TSACC: variants seen among roughly 807,000 people sequenced by gnomAD.
TSACC encodes TSSK6 activating cochaperone.
In TSACC, 3 loss-of-function variants were observed where a neutral mutation model predicts 6.9. The ratio of observed to expected loss-of-function variants is 0.43; its 90% CI spans 0.20 to 1.12. The LOEUF is 1.12. Among genes scored for constraint, TSACC ranks in the 50% most tolerant of loss-of-function variants. The pLI is 0.28. For missense variants in TSACC, 137 were observed against 143.9 expected, an observed-to-expected ratio of 0.95 and a Z score of 0.24; for synonymous variants, 54 against 55.1, an observed-to-expected ratio of 0.98 and a Z score of 0.09.
rs756719874 is a variant in TSACC at position 156,339,745 on chromosome 1, T to G, written c.-13T>G. 4.3e-6 allele frequency: 7 copies of G among 1,613,962 alleles called. No individual in the cohort carries two copies. In the South Asian group the frequency reaches 7.7e-5, roughly 18 times the overall value. ...ATGATTCTTTCCCAGGCACCACACC[T>G]GTTGGTGTTCAGATGGAGCGGCACA... is the stretch of plus-strand genomic sequence containing the variant. On this transcript the variant is annotated 5_prime_UTR_variant, in exon 2 of 4. Coordinates refer to ENST00000368254, the MANE Select transcript of TSACC (RefSeq NM_001304817.2).
chr1:156,338,197 C>T, upstream of TSACC: 1 of 1,585,676 alleles, frequency 6.3e-7, no homozygotes, highest in Non-Finnish European at 8.6e-7. Flanking sequence ...CGACGCGATG[C>T]AGAGCCGGGT....
chr1:156,337,750 GCTA>G (rs925852655), upstream of TSACC: 54 of 218,058 alleles, frequency 2.5e-4, no homozygotes, highest in African/African-American at 1.2e-3. Context: ...TTAAATTACC[GCTA>G]CTAAGGGATG....
chr1:156,339,810 GC>G lies in TSACC; in HGVS notation c.34+20del, dbSNP rs1475972181. 1.2e-6 allele frequency: 2 copies of G among 1,613,228 alleles called. No homozygotes were observed. Among genetic ancestry groups the G allele is most frequent in the Admixed American group, 3.3e-5 (2 of 59,894 alleles). On this transcript the variant is annotated intron_variant, in intron 2 of 3. Coordinates refer to ENST00000368254, the MANE Select transcript of TSACC (RefSeq NM_001304817.2). Reference sequence around the variant, plus strand: ...AGAAAAGGTGTGTGTTGGAGGCCCTGCTTCCCCTCCCTTAAAAAGCAAGACC... The same window carrying G: ...AGAAAAGGTGTGTGTTGGAGGCCCTGTTCCCCTCCCTTAAAAAGCAAGACC...
rs751183709 is a variant in TSACC, at chr1:156,344,644, T to TA, written c.101dup (p.Asn34LysfsTer23). The TA allele has an allele frequency of 5.8e-5, 93 of 1,613,958 alleles. No homozygotes were observed. Among genetic ancestry groups the TA allele is most frequent in the Middle Eastern group, 1.6e-4 (1 of 6,084 alleles). On this transcript the variant is annotated frameshift_variant, in exon 3 of 4. Transcript: ENST00000368254. LOFTEE classifies it high-confidence loss of function. ...GAGCAAAACCCTCCCCCAGCTATAT[T>TA]AATCTTCAAGCAAGTTCCCCACCAG...
intron 1 of TSACC, 74 bp from the exon 2 acceptor site, chr1:156,339,560 G>T: frequency 1.8e-6 from 1 of 565,716 alleles, no homozygotes; most frequent in Non-Finnish European, 3.1e-6. Flanking sequence ...TGAAGGGGCC[G>T]TGAGAGCACC....
upstream of TSACC, chr1:156,338,133 C>T (rs778760116): frequency 1.3e-6 from 2 of 1,578,998 alleles, no homozygotes; most frequent in African/African-American, 1.3e-5. Context: ...GGGTCCATTT[C>T]CTGGCATCCC....
At chr1:156,339,980 G>C (rs1161144794) in intron 2 of TSACC, among the ~76,000 whole-genome samples, 189 bp downstream of exon 2, 1 of 152,208 alleles carries the variant, frequency 6.6e-6, no homozygotes, top group Non-Finnish European at 1.5e-5. Flanking sequence ...CTTAGAACAA[G>C]ACTATGTACA....
rs1665964973 is a variant in TSACC at position 156,342,732 on chromosome 1, T to C, written c.35-1848T>C. ...TGTGCTTGATCACCTAATGCCTGTCTGCACAGCAAGACTGTCAGTTCCAGG... is the reference window on the plus strand; with the variant it reads ...TGTGCTTGATCACCTAATGCCTGTCCGCACAGCAAGACTGTCAGTTCCAGG... On this transcript the variant is annotated intron_variant, in intron 2 of 3. Coordinates refer to ENST00000368254, the MANE Select transcript of TSACC (RefSeq NM_001304817.2). 1.3e-5 allele frequency among the ~76,000 whole-genome samples: 2 copies of C among 152,258 alleles called. 1 individual carries two copies. Among genetic ancestry groups the C allele is most frequent in the South Asian group, 4.1e-4 (2 of 4,838 alleles).
upstream of TSACC, chr1:156,338,276 G>C: frequency 7.6e-7 from 1 of 1,316,540 alleles, no homozygotes; most frequent in Non-Finnish European, 1.1e-6. Flanking sequence ...AGAAAACGCT[G>C]CCTCCTCAGG....
At chr1:156,345,671 C>T (rs1666129728) in intron 3 of TSACC, among the ~76,000 whole-genome samples, 1 of 151,620 alleles carries the variant, frequency 6.6e-6, no homozygotes, top group South Asian at 2.1e-4. Context: ...AGTTTGAGAC[C>T]AGCCTCACCA....
Position 156,344,618 on chromosome 1 carries a change from A to G in TSACC, c.73A>G (p.Arg25Gly), listed in dbSNP as rs752658806. Reference sequence around the variant, plus strand: ...GGAAGCTAATGCTGTGCCTCTCTGTAGAGCAAAACCCTCCCCCAGCTATAT... The same window carrying G: ...GGAAGCTAATGCTGTGCCTCTCTGTGGAGCAAAACCCTCCCCCAGCTATAT... ...KEEANAVPLC[R>G]AKPSPSYINL... is the part of the protein sequence containing the mutation. The change falls in exon 3 of 4, where the codon AGA (arginine) becomes GGA (glycine). Residue 25 changes from arginine (R) to glycine (G), a missense_variant. Physicochemically the swap from Arg to Gly is moderately radical, Grantham distance 125. Coordinates refer to ENST00000368254, the MANE Select transcript of TSACC (RefSeq NM_001304817.2). 35 of 1,613,992 alleles carry G rather than the reference A, an allele frequency of 2.2e-5. No individual in the cohort carries two copies. In the South Asian group the frequency reaches 3.5e-4, roughly 16 times the overall value.
Position 156,344,672 on chromosome 1 carries a change from ACTTTT to A in TSACC, c.130_134del (p.Phe44GlufsTer11). 1 of 1,614,048 alleles carries A rather than the reference ACTTTT, an allele frequency of 6.2e-7. No homozygotes were observed. The highest frequency in any genetic ancestry group is 8.5e-7 in the Non-Finnish European group (1 of 1,179,992). ...TCTTCAAGCAAGTTCCCCACCAGCC[ACTTTT>A]CTGAACATCCAGACAACAAAGCTGC... On this transcript the variant is annotated frameshift_variant, in exon 3 of 4. Transcript: ENST00000368254. LOFTEE classifies it high-confidence loss of function.
At chr1:156,341,500 G>T (rs1469379638) in intron 2 of TSACC, among the ~76,000 whole-genome samples, 1 of 152,092 alleles carries the variant, frequency 6.6e-6, no homozygotes, top group Non-Finnish European at 1.5e-5. Context: ...GCAGACTGTG[G>T]TATCCACAAT....
Position 156,339,645 on chromosome 1 carries a change from C to A in TSACC, c.-113C>A. Reference sequence around the variant, plus strand: ...TTTTTCCTCTGCAGATTGGAACAGGCTGAGATCTGCTGGAGACAACTTAGG... The same window carrying A: ...TTTTTCCTCTGCAGATTGGAACAGGATGAGATCTGCTGGAGACAACTTAGG... On this transcript the variant is annotated 5_prime_UTR_variant, in exon 2 of 4. The change creates a new upstream start codon in the 5' untranslated region. Coordinates refer to ENST00000368254, the MANE Select transcript of TSACC (RefSeq NM_001304817.2). 7.3e-7 allele frequency: 1 copy of A among 1,366,142 alleles called. No homozygotes were observed. The highest frequency in any genetic ancestry group is 1.0e-6 in the Non-Finnish European group (1 of 975,108). 84.6% of individuals were successfully genotyped at this position (1,366,142 alleles called of 1,614,324 possible).
At chr1:156,337,869 A>C (rs1665508126), upstream of TSACC, 2 of 494,376 alleles carry the variant, frequency 4.0e-6, no homozygotes, top group Admixed American at 3.6e-5. Context: ...GGGGCGGGGG[A>C]AGCGTGGGGG....
At chr1:156,338,104 A>T, upstream of TSACC, 2 of 1,561,722 alleles carry the variant, frequency 1.3e-6, no homozygotes, top group South Asian at 2.4e-5. Flanking sequence ...AAAAGTATGG[A>T]CAGAAGAGGG....
At chr1:156,338,268 A>G, upstream of TSACC, 2 of 1,422,318 alleles carry the variant, frequency 1.4e-6, no homozygotes, top group South Asian at 1.2e-5. Flanking sequence ...AGAAGCCCAG[A>G]AAACGCTGCC....
At chr1:156,338,288 C>G, upstream of TSACC, 1 of 1,126,832 alleles carries the variant, frequency 8.9e-7, no homozygotes, top group Non-Finnish European at 1.3e-6. Context: ...CTCCTCAGGG[C>G]TTACACCTCA....
chr1:156,343,520 G>A (rs537976001), intron 2 of TSACC, among the ~76,000 whole-genome samples: 6 of 152,276 alleles, frequency 3.9e-5, no homozygotes, highest in Admixed American at 2.6e-4. Flanking sequence ...GAGATCAGAA[G>A]AAAGTAAATT....
Sources: gnomAD v4.1 joint callset for allele counts (sites outside exome capture counted in the v4.1 genomes callset) on GRCh38, gnomAD v4.1.1 for gene constraint, MANE v1.5 for transcripts, NCBI Gene and HGNC (gene_info 2026-07-23, HGNC 2026-07-21) for gene names.